Variants in FAM210A observed in about 807,000 individuals in gnomAD.
FAM210A encodes family with sequence similarity 210 member A.
Under a neutral mutation model 25.3 loss-of-function variants are expected in FAM210A, and 13 were observed. The observed-to-expected ratio is 0.51, with a 90% CI of 0.33 to 0.82. FAM210A has a LOEUF of 0.82. Among genes scored for constraint, FAM210A ranks in the 40% least tolerant of loss-of-function variants. The probability of loss-of-function intolerance (pLI) is 0.02; values close to 1 mark genes in which losing one functional copy is unlikely to be tolerated. For synonymous variants in FAM210A, 125 were observed against 118.7 expected (o/e 1.05, Z -0.35); for missense variants, 319 against 323.2 (o/e 0.99, Z 0.10).
intron 1 of FAM210A, among the ~76,000 whole-genome samples, chr18:13,719,791 T>A (rs886265066): frequency 2.6e-4 from 39 of 152,172 alleles, no homozygotes; most frequent in African/African-American, 8.7e-4. Context: ...ACAATCACAT[T>A]TAAAGGCATG....
In FAM210A at chr18:13,666,579, C is replaced by T; in HGVS notation, c.720G>A (p.Lys240=). The part of the protein sequence containing the change: ...EYLQDRMEET[K]ELITEKMEET... ...CTTCCATTTTCTCTGTGATAAGCTC[C>T]TTTGTCTCTTCCATCCTGTCCTGCA... Residue 240 remains lysine, a synonymous_variant, in exon 4 of 4, where the codon AAG becomes AAA. Transcript: ENST00000651643. The T allele has an allele frequency of 6.2e-7, 1 of 1,614,100 alleles. No individual in the cohort carries two copies. Among genetic ancestry groups the T allele is most frequent in the Non-Finnish European group, 8.5e-7 (1 of 1,180,018 alleles).
intron 1 of FAM210A, among the ~76,000 whole-genome samples, chr18:13,725,561 G>C (rs1275248045): frequency 6.6e-6 from 1 of 152,210 alleles, no homozygotes; most frequent in Non-Finnish European, 1.5e-5. Context: ...TTGGTAAAGA[G>C]TAATTCAAGA....
chr18:13,691,361 G>A (rs948298336), intron 1 of FAM210A, among the ~76,000 whole-genome samples: 23 of 152,138 alleles, frequency 1.5e-4, no homozygotes, highest in African/African-American at 4.6e-4. Flanking sequence ...AACTTCCCCA[G>A]CCTAGCAAGG....
intron 1 of FAM210A, among the ~76,000 whole-genome samples, chr18:13,690,771 C>G (rs1450455697): frequency 6.6e-6 from 1 of 152,116 alleles, no homozygotes; most frequent in Non-Finnish European, 1.5e-5. Context: ...ATCATCAAGA[C>G]CAAAGGTAGA....
chr18:13,667,848 T>A (rs564942093), intron 3 of FAM210A, among the ~76,000 whole-genome samples: 38 of 152,158 alleles, frequency 2.5e-4, no homozygotes, highest in African/African-American at 8.7e-4. Flanking sequence ...CTGGGCAACA[T>A]AATGAGACCC....
At chr18:13,702,832 G>T (rs2043751626) in intron 1 of FAM210A, among the ~76,000 whole-genome samples, 1 of 152,174 alleles carries the variant, frequency 6.6e-6, no homozygotes, top group Non-Finnish European at 1.5e-5. Context: ...TCCAGGAACT[G>T]CGGAATTCTC....
intron 2 of FAM210A, among the ~76,000 whole-genome samples, chr18:13,678,323 T>A (rs913841872): frequency 6.6e-6 from 1 of 151,422 alleles, no homozygotes; most frequent in African/African-American, 2.4e-5. Flanking sequence ...CAGGCTGGAG[T>A]GCAATGGTGA....
At position 13,686,400 on chromosome 18, in the gene FAM210A, G is replaced by A. The variant is rs567740556; in HGVS notation, c.-28-4295C>T. On this transcript the variant is annotated intron_variant, in intron 1 of 3. Transcript: ENST00000651643. The stretch of plus-strand genomic sequence containing the variant: ...TATAATTCACAATCTATAGCTTAAC[G>A]TATAGCCAATAACTCAATGCTACGT... Among the ~76,000 whole-genome samples, 20 of 152,236 alleles carry A rather than the reference G, an allele frequency of 1.3e-4. No homozygotes were observed. The South Asian group carries it at 3.7e-3, about 28-fold the overall frequency.
At chr18:13,682,762 G>T (rs970127345) in intron 1 of FAM210A, among the ~76,000 whole-genome samples, 20 of 152,044 alleles carry the variant, frequency 1.3e-4, no homozygotes, top group Non-Finnish European at 2.9e-5. Context: ...CCAGCTACTC[G>T]GGAGGCTGAG....
chr18:13,700,933 T>C (rs979753314), intron 1 of FAM210A, among the ~76,000 whole-genome samples: 1 of 152,216 alleles, frequency 6.6e-6, no homozygotes, highest in African/African-American at 2.4e-5. Context: ...GCTTCTGATT[T>C]CCGTATATCA....
chr18:13,690,786 A>G (rs2043636901), intron 1 of FAM210A, among the ~76,000 whole-genome samples: 1 of 152,238 alleles, frequency 6.6e-6, no homozygotes, highest in Non-Finnish European at 1.5e-5. Flanking sequence ...GGTAGATAAA[A>G]CAACAAAGAA....
rs1166591655 is a variant in FAM210A, at chr18:13,664,004, AT to A, written c.*2475del. 12 of 152,172 alleles carry A rather than the reference AT, an allele frequency of 7.9e-5. No individual in the cohort carries two copies. The highest frequency in any genetic ancestry group is 2.9e-4 in the African/African-American group (12 of 41,440). 9.4% of individuals were successfully genotyped at this position (152,172 alleles called of 1,614,324 possible). A position where few individuals can be genotyped will look rare whatever the true frequency, so the allele number is the denominator to read the frequency against. ...TATTCTCAATTATTTAACTTGGCAT[AT>A]TGGTACTGTATTCTGTTAGCCTGCT... On this transcript the variant is annotated 3_prime_UTR_variant, in exon 4 of 4. Transcript: ENST00000651643.
chr18:13,708,865 C>T (rs920944852), intron 1 of FAM210A, among the ~76,000 whole-genome samples: 8 of 152,316 alleles, frequency 5.3e-5, no homozygotes, highest in East Asian at 1.9e-4. Context: ...CCTGGTTTCA[C>T]GCTGAAATCT....
intron 3 of FAM210A, among the ~76,000 whole-genome samples, chr18:13,669,030 C>T (rs1463015266): frequency 6.6e-6 from 1 of 152,146 alleles, no homozygotes; most frequent in Admixed American, 6.6e-5. Flanking sequence ...GTTGTCCGGG[C>T]CAAAAACTTA....
chr18:13,714,206 A>G (rs377498671), intron 1 of FAM210A, among the ~76,000 whole-genome samples: 37 of 152,352 alleles, frequency 2.4e-4, no homozygotes, highest in African/African-American at 8.9e-4. Flanking sequence ...GGGTAATTAA[A>G]TATTCCAAGA....
chr18:13,719,923 G>T (rs1038714450), intron 1 of FAM210A, among the ~76,000 whole-genome samples: 1 of 152,150 alleles, frequency 6.6e-6, no homozygotes, highest in African/African-American at 2.4e-5. Context: ...CGCTCCATGA[G>T]GAAATCAAAA....
At chr18:13,675,024 C>T (rs2043480470) in intron 2 of FAM210A, among the ~76,000 whole-genome samples, 1 of 135,434 alleles carries the variant, frequency 7.4e-6, no homozygotes, top group African/African-American at 2.7e-5. Context: ...ATTCCTGAGC[C>T]CTGGCTTCTT....
At chr18:13,671,193 C>T (rs989625475) in intron 3 of FAM210A, among the ~76,000 whole-genome samples, 1 of 151,986 alleles carries the variant, frequency 6.6e-6, no homozygotes, top group African/African-American at 2.4e-5. Context: ...TTTGGAGGCC[C>T]CCCCCTTCTG....
At position 13,699,450 on chromosome 18, in the gene FAM210A, T is replaced by C. The variant is rs796689280; in HGVS notation, c.-28-17345A>G. 6.6e-4 allele frequency among the ~76,000 whole-genome samples: 101 copies of C among 152,292 alleles called. 1 individual carries two copies. The highest frequency in any genetic ancestry group is 2.3e-3 in the African/African-American group (96 of 41,552). On this transcript the variant is annotated intron_variant, in intron 1 of 3. Coordinates refer to ENST00000651643, the MANE Select transcript of FAM210A (RefSeq NM_152352.4). Reference sequence around the variant, plus strand: ...AATAATTCATTAATTTCCAGAGCAGTCTTAAATGTCAAGTGTACCACTTAA... The same window carrying C: ...AATAATTCATTAATTTCCAGAGCAGCCTTAAATGTCAAGTGTACCACTTAA...
Sources: allele counts gnomAD v4.1 joint callset (sites outside exome capture counted in the v4.1 genomes callset), GRCh38; gene constraint gnomAD v4.1.1; transcripts MANE v1.5; gene names NCBI Gene and HGNC (gene_info 2026-07-23, HGNC 2026-07-21).